The following CCDC74B variants were observed in gnomAD, a reference collection of about 807,000 sequenced individuals.
CCDC74B encodes coiled-coil domain containing 74B, also known as coiled-coil domain-containing protein 74B.
In CCDC74B, 34 loss-of-function variants were observed where a neutral mutation model predicts 38.0. The ratio of observed to expected loss-of-function variants is 0.89; its 90% CI spans 0.68 to 1.19. The LOEUF (loss-of-function observed/expected upper bound fraction) is 1.19. Ranked by LOEUF, CCDC74B falls within the 50% of genes most tolerant of loss-of-function variation. The probability of loss-of-function intolerance (pLI) is 0.00; values close to 1 mark genes in which losing one functional copy is unlikely to be tolerated. For synonymous variants in CCDC74B, 132 were observed against 170.4 expected, an observed-to-expected ratio of 0.77 and a Z score of 1.76; for missense variants, 358 against 406.0, an observed-to-expected ratio of 0.88 and a Z score of 1.02.
chr2:130,141,241 G>GA lies in CCDC74B; in HGVS notation c.401dup (p.Gln136ProfsTer35), dbSNP rs1558720988. ...CCTCTTCCAGGTCCGCCTTCTGGGG[G>GA]ACGTCAGCTTTTGAATCTTGCTTGT... On this transcript the variant is annotated frameshift_variant, in exon 4 of 8. Coordinates refer to ENST00000409943, the MANE Select transcript of CCDC74B (RefSeq NM_001258307.2). LOFTEE classifies it high-confidence loss of function. 6.3e-7 allele frequency: 1 copy of GA among 1,596,028 alleles called. No individual in the cohort carries two copies. Among genetic ancestry groups the GA allele is most frequent in the Admixed American group, 1.7e-5 (1 of 59,662 alleles).
intron 2 of CCDC74B, 38 bp downstream of exon 2, chr2:130,143,231 A>G (rs767224550): frequency 5.0e-6 from 8 of 1,603,838 alleles, no homozygotes; most frequent in African/African-American, 1.3e-5. Context: ...CTGGGTGGCA[A>G]GAGCATCCCA....
chr2:130,139,779 C>G, intron 7 of CCDC74B, 89 bp from the exon 8 acceptor site: 1 of 1,606,736 alleles, frequency 6.2e-7, no homozygotes. Flanking sequence ...CACGGGGGCA[C>G]AGAGAGGCCT....
rs145277627 is a variant in CCDC74B, at chr2:130,139,631, G to C, written c.869C>G (p.Pro290Arg). 1.2e-6 allele frequency: 2 copies of C among 1,613,402 alleles called. No individual in the cohort carries two copies. The highest frequency in any genetic ancestry group is 1.1e-5 in the South Asian group (1 of 91,036). ...CTGCCTCTCGGCAAAGTTGTTCTTCGGGGTCTGCTTCAGTGCGGGCAGGAT... is the reference window on the plus strand; with the variant it reads ...CTGCCTCTCGGCAAAGTTGTTCTTCCGGGTCTGCTTCAGTGCGGGCAGGAT... ...RAILPALKQT[P>R]KNNFAERQKR... Residue 290 changes from proline (P) to arginine (R), a missense_variant, in exon 8 of 8, where the codon CCG becomes CGG. Physicochemically the swap from Pro to Arg is moderately radical, Grantham distance 103. Coordinates refer to ENST00000409943, the MANE Select transcript of CCDC74B (RefSeq NM_001258307.2).
At chr2:130,141,991 C>T (rs1685663025) in intron 3 of CCDC74B, 142 bp downstream of exon 3, 1 of 945,764 alleles carries the variant, frequency 1.1e-6, no homozygotes, top group Non-Finnish European at 1.5e-6. Flanking sequence ...GCTTGCAGGG[C>T]TCTTTTCAGC....
At chr2:130,143,631 T>C (rs1297807117) in intron 1 of CCDC74B, among the ~76,000 whole-genome samples, 1 of 152,154 alleles carries the variant, frequency 6.6e-6, no homozygotes, top group African/African-American at 2.4e-5. Flanking sequence ...AATCCCTGGC[T>C]ATGGCGGTGT....
rs1685508826 is a variant in CCDC74B at position 130,140,193 on chromosome 2, G to A, written c.664C>T (p.Leu222=). 8 of 1,613,056 alleles carry A rather than the reference G, an allele frequency of 5.0e-6. No homozygotes were observed. In the South Asian group the frequency reaches 7.7e-5, roughly 16 times the overall value. ...LIRELWNTNL[L]QTQELQHLKS... is the part of the protein sequence containing the mutation. Reference sequence around the variant, plus strand: ...CAGGGCCTCACCTCTTGGGTCTGCAGGAGGTTGGTATTCCACAGCTCGCGG... The same window carrying A: ...CAGGGCCTCACCTCTTGGGTCTGCAAGAGGTTGGTATTCCACAGCTCGCGG... The change falls in exon 5 of 8, where the codon CTG becomes TTG. Residue 222 remains leucine, a synonymous_variant. Coordinates refer to ENST00000409943, the MANE Select transcript of CCDC74B (RefSeq NM_001258307.2).
intron 7 of CCDC74B, 39 bp from the exon 8 acceptor site, chr2:130,139,729 C>T (rs1685465790): frequency 4.3e-6 from 7 of 1,611,298 alleles, no homozygotes; most frequent in African/African-American, 1.3e-5. Flanking sequence ...TGAGCATCCT[C>T]GCGAGTGGAG....
chr2:130,139,708 G>A lies in CCDC74B; in HGVS notation c.810-18C>T, dbSNP rs1410343065. On this transcript the variant is annotated intron_variant, in intron 7 of 7. Coordinates refer to ENST00000409943, the MANE Select transcript of CCDC74B (RefSeq NM_001258307.2). ...GAAGCAGGCTGGGGGCGGGTAGAGGGACTGTCACCGTGAGCATCCTCGCGA... is the reference window on the plus strand; with the variant it reads ...GAAGCAGGCTGGGGGCGGGTAGAGGAACTGTCACCGTGAGCATCCTCGCGA... The A allele has an allele frequency of 3.7e-6, 6 of 1,612,264 alleles. No individual in the cohort carries two copies. The highest frequency in any genetic ancestry group is 2.2e-5 in the East Asian group (1 of 44,890).
At chr2:130,140,130 G>C (rs921546731) in intron 5 of CCDC74B, 34 bp from the exon 6 acceptor site, 2 of 1,612,274 alleles carry the variant, frequency 1.2e-6, no homozygotes. Context: ...GGTGGGGCCT[G>C]TGGCGGTGCC....
At chr2:130,140,396 G>T in intron 4 of CCDC74B, 25 bp from the exon 5 acceptor site, 1 of 1,533,536 alleles carries the variant, frequency 6.5e-7, no homozygotes, top group Non-Finnish European at 8.8e-7. Context: ...GCAGCAGCCA[G>T]AGGTGACCTG....
chr2:130,139,424 T>C lies in CCDC74B; in HGVS notation c.*131A>G. ...TTGTCAGTTTGGAGATCAAGTACTT[T>C]ATCTATCTTGAGTGTTATCTATCTT... On this transcript the variant is annotated 3_prime_UTR_variant, in exon 8 of 8. Coordinates refer to ENST00000409943, the MANE Select transcript of CCDC74B (RefSeq NM_001258307.2). 3.4e-6 allele frequency: 4 copies of C among 1,160,710 alleles called. No homozygotes were observed. The South Asian group carries it at 4.9e-5, about 14-fold the overall frequency. 71.9% of individuals were successfully genotyped at this position (1,160,710 alleles called of 1,614,324 possible).
chr2:130,145,111 T>C lies in CCDC74B; in HGVS notation c.-115A>G, dbSNP rs1240060984. The C allele has an allele frequency of 1.4e-6, 2 of 1,384,878 alleles. No individual in the cohort carries two copies. Among genetic ancestry groups the C allele is most frequent in the Non-Finnish European group, 1.9e-6 (2 of 1,067,266 alleles). The allele number at this position is 1,384,878 out of a possible 1,614,324, so 85.8% of individuals were successfully genotyped here. ...CGGGCGACGGAGGGCGCCAGGCGTT[T>C]GGCGGGGGCGGGGCCTGTCGCTGGC... On this transcript the variant is annotated 5_prime_UTR_variant, in exon 1 of 8. Coordinates refer to ENST00000409943, the MANE Select transcript of CCDC74B (RefSeq NM_001258307.2).
intron 1 of CCDC74B, among the ~76,000 whole-genome samples, chr2:130,144,068 T>C (rs1685859618): frequency 6.6e-6 from 1 of 152,060 alleles, no homozygotes; most frequent in South Asian, 2.1e-4. Flanking sequence ...ATCCGATGTG[T>C]TTAGCTGGAA....
chr2:130,144,162 C>T (rs1268765923), intron 1 of CCDC74B, among the ~76,000 whole-genome samples: 17 of 152,098 alleles, frequency 1.1e-4, no homozygotes, highest in Admixed American at 9.2e-4. Flanking sequence ...TTTTTTGAGA[C>T]GGAGTCTCGC....
chr2:130,139,703 A>G lies in CCDC74B; in HGVS notation c.810-13T>C, dbSNP rs1420022409. The stretch of plus-strand genomic sequence containing the variant: ...GCTCAGAAGCAGGCTGGGGGCGGGT[A>G]GAGGGACTGTCACCGTGAGCATCCT... On this transcript the variant is annotated splice_polypyrimidine_tract_variant and intron_variant, in intron 7 of 7. Coordinates refer to ENST00000409943, the MANE Select transcript of CCDC74B (RefSeq NM_001258307.2). 4 of 1,612,536 alleles carry G rather than the reference A, an allele frequency of 2.5e-6. No homozygotes were observed. The Admixed American group carries it at 5.0e-5, about 20-fold the overall frequency.
chr2:130,143,146 A>G (rs1218547543), intron 2 of CCDC74B, 123 bp downstream of exon 2: 1 of 1,539,326 alleles, frequency 6.5e-7, no homozygotes, highest in African/African-American at 1.4e-5. Context: ...CAGGTCCCCC[A>G]GAACCTGTCC....
At chr2:130,144,365 T>G in intron 1 of CCDC74B, 4 of 902,962 alleles carry the variant, frequency 4.4e-6, no homozygotes, top group Non-Finnish European at 7.0e-6. Context: ...GGTCTCGATC[T>G]CCTGACCTCG....
At chr2:130,141,038 G>C (rs1685583432) in intron 4 of CCDC74B, 120 bp downstream of exon 4, 3 of 1,508,062 alleles carry the variant, frequency 2.0e-6, no homozygotes, top group African/African-American at 1.4e-5. Flanking sequence ...CCTGGAGCTA[G>C]GGGCAGAGCA....
chr2:130,143,712 C>T (rs71343700), intron 1 of CCDC74B, among the ~76,000 whole-genome samples: 143,377 of 151,926 alleles, frequency 0.94, 67,783 homozygotes, highest in East Asian at 1. Context: ...TCCTGAGGCT[C>T]AAGAAGACAT....
Sources: allele counts gnomAD v4.1 joint callset (sites outside exome capture counted in the v4.1 genomes callset), GRCh38; gene constraint gnomAD v4.1.1; transcripts MANE v1.5; gene names NCBI Gene and HGNC (gene_info 2026-07-23, HGNC 2026-07-21).